CHCHD3: variants seen among roughly 807,000 people sequenced by gnomAD.
CHCHD3 encodes the protein coiled-coil-helix-coiled-coil-helix domain containing 3, also known as MICOS complex subunit MIC19.
CHCHD3 carries 20 observed loss-of-function variants against 38.2 expected under a neutral mutation model. The observed-to-expected ratio is 0.52, with a 90% confidence interval of 0.37 to 0.76. The LOEUF (loss-of-function observed/expected upper bound fraction) is 0.76. Among genes scored for constraint, CHCHD3 ranks in the 30% least tolerant of loss-of-function variants. The pLI is 0.00. For synonymous variants in CHCHD3, 82 were observed against 100.0 expected (o/e 0.82, Z 1.07); for missense variants, 245 against 279.2 (o/e 0.88, Z 0.87).
intron 2 of CHCHD3, among the ~76,000 whole-genome samples, chr7:133,054,629 T>C (rs1272058708): frequency 6.6e-6 from 1 of 152,214 alleles, no homozygotes; most frequent in Non-Finnish European, 1.5e-5. Context: ...CAATGGTGTT[T>C]AGTATATCCT....
At chr7:132,864,608 A>C (rs1253034406) in intron 5 of CHCHD3, among the ~76,000 whole-genome samples, 1 of 152,192 alleles carries the variant, frequency 6.6e-6, no homozygotes, top group Non-Finnish European at 1.5e-5. Flanking sequence ...TTAAAAAGGC[A>C]AATGAAGTAT....
intron 5 of CHCHD3, among the ~76,000 whole-genome samples, chr7:132,844,396 A>G (rs1808019231): frequency 6.6e-6 from 1 of 152,228 alleles, no homozygotes; most frequent in Non-Finnish European, 1.5e-5. Context: ...GTGTGTAACA[A>G]CATATCACTT....
intron 2 of CHCHD3, among the ~76,000 whole-genome samples, chr7:133,052,683 T>C (rs1035767081): frequency 6.6e-6 from 1 of 152,144 alleles, no homozygotes; most frequent in Admixed American, 6.5e-5. Context: ...ATACAAATGT[T>C]TGCTTGTAAT....
chr7:132,944,325 C>G (rs1410882647), intron 4 of CHCHD3, among the ~76,000 whole-genome samples: 1 of 151,380 alleles, frequency 6.6e-6, no homozygotes, highest in Non-Finnish European at 1.5e-5. Flanking sequence ...AAGACTCTAG[C>G]AGGGCTGAGT....
chr7:132,894,491 C>T (rs987486850), intron 4 of CHCHD3, among the ~76,000 whole-genome samples: 8 of 152,200 alleles, frequency 5.3e-5, no homozygotes, highest in Admixed American at 5.2e-4. Flanking sequence ...ACTTTTGCAG[C>T]TAATAAAACC....
intron 2 of CHCHD3, among the ~76,000 whole-genome samples, chr7:133,055,497 TATTATAATTA>T (rs1814297326): frequency 6.9e-6 from 1 of 144,478 alleles, no homozygotes; most frequent in Admixed American, 6.9e-5. Flanking sequence ...GTTATATATT[TATTATAATTA>T]ATTATAATAT....
At chr7:133,076,572 C>A (rs892984102) in intron 1 of CHCHD3, among the ~76,000 whole-genome samples, 1 of 152,188 alleles carries the variant, frequency 6.6e-6, no homozygotes, top group African/African-American at 2.4e-5. Context: ...ACTCACCACA[C>A]CAATGTGCTC....
chr7:132,931,525 A>G (rs956651640), intron 4 of CHCHD3, among the ~76,000 whole-genome samples: 1 of 152,234 alleles, frequency 6.6e-6, no homozygotes, highest in African/African-American at 2.4e-5. Context: ...TAGAACATAA[A>G]GCGCTAATCA....
At chr7:132,983,607 CT>C (rs996412400) in intron 3 of CHCHD3, among the ~76,000 whole-genome samples, 6 of 152,266 alleles carry the variant, frequency 3.9e-5, no homozygotes, top group South Asian at 2.1e-4. Context: ...AAAAAGTGAT[CT>C]TTTGAGGTTC....
At chr7:133,068,319 C>A (rs1268423500) in intron 2 of CHCHD3, among the ~76,000 whole-genome samples, 2 of 152,144 alleles carry the variant, frequency 1.3e-5, no homozygotes, top group African/African-American at 4.8e-5. Context: ...GCTAAGAATT[C>A]AGCTGTGAAC....
At chr7:132,823,118 C>A (rs546794112) in intron 6 of CHCHD3, among the ~76,000 whole-genome samples, 1 of 152,238 alleles carries the variant, frequency 6.6e-6, no homozygotes, top group South Asian at 2.1e-4. Flanking sequence ...TATCAAACTG[C>A]AACTTCACAT....
chr7:132,949,271 G>A (rs2117284215), intron 4 of CHCHD3, among the ~76,000 whole-genome samples: 1 of 152,136 alleles, frequency 6.6e-6, no homozygotes, highest in South Asian at 2.1e-4. Context: ...ACTGAGTACT[G>A]ACCAACAGAA....
At chr7:133,072,501 T>C (rs1356907275) in intron 1 of CHCHD3, among the ~76,000 whole-genome samples, 1 of 152,050 alleles carries the variant, frequency 6.6e-6, no homozygotes, top group East Asian at 1.9e-4. Context: ...AGATACTTTA[T>C]CAGTAGCAGA....
chr7:133,069,700 CT>C (rs1167367720), intron 2 of CHCHD3, among the ~76,000 whole-genome samples: 1 of 152,168 alleles, frequency 6.6e-6, no homozygotes. Flanking sequence ...ATAACTAAGA[CT>C]GACTGTGACA....
chr7:133,015,037 A>C (rs1235404687), intron 3 of CHCHD3, among the ~76,000 whole-genome samples: 1 of 152,164 alleles, frequency 6.6e-6, no homozygotes, highest in African/African-American at 2.4e-5. Context: ...GTGCACAAAC[A>C]AGCATTTAAA....
intron 4 of CHCHD3, among the ~76,000 whole-genome samples, chr7:132,963,628 CA>C (rs11295074): frequency 0.3 from 38,904 of 128,144 alleles, 5,491 homozygotes; most frequent in African/African-American, 0.39. Context: ...GACTCCATCT[CA>C]AAAAAAAAAA....
At chr7:133,037,998 A>G (rs1813726736) in intron 2 of CHCHD3, among the ~76,000 whole-genome samples, 1 of 152,210 alleles carries the variant, frequency 6.6e-6, no homozygotes, top group African/African-American at 2.4e-5. Context: ...AATGAGGCAT[A>G]ATTTCAGTTT....
At chr7:132,792,820 C>T (rs1806498107) in intron 7 of CHCHD3, among the ~76,000 whole-genome samples, 1 of 152,180 alleles carries the variant, frequency 6.6e-6, no homozygotes, top group African/African-American at 2.4e-5. Flanking sequence ...AAACCCCACC[C>T]TCCCAGTGAA....
At chr7:133,071,922 T>C (rs957557468) in intron 1 of CHCHD3, among the ~76,000 whole-genome samples, 2 of 152,188 alleles carry the variant, frequency 1.3e-5, no homozygotes, top group Non-Finnish European at 2.9e-5. Flanking sequence ...GATTAAGTAG[T>C]TGCCTAGAGC....
Sources: gnomAD v4.1 joint callset for allele counts (sites outside exome capture counted in the v4.1 genomes callset) on GRCh38, gnomAD v4.1.1 for gene constraint, MANE v1.5 for transcripts, NCBI Gene and HGNC (gene_info 2026-07-23, HGNC 2026-07-21) for gene names.